The following PLCB4 variants were observed in gnomAD, a reference collection of about 807,000 sequenced individuals.
The protein encoded by PLCB4 is phospholipase C beta 4, also known as 1-phosphatidylinositol 4,5-bisphosphate phosphodiesterase beta-4.
In PLCB4, 77 loss-of-function variants were observed where a neutral mutation model predicts 178.8. The ratio of observed to expected loss-of-function variants is 0.43; its 90% confidence interval spans 0.36 to 0.52. PLCB4 has a LOEUF of 0.52. PLCB4 is among the 20% of genes least tolerant of loss of function. The probability of loss-of-function intolerance (pLI) is 0.00; values close to 1 mark genes in which losing one functional copy is unlikely to be tolerated. For missense variants in PLCB4, 1,024 were observed against 1,453.4 expected, an observed-to-expected ratio of 0.70 and a Z score of 4.80; for synonymous variants, 496 against 490.8, an observed-to-expected ratio of 1.01 and a Z score of -0.14.
chr20:9,085,228 G>A (rs2090353334), intron 1 of PLCB4, among the ~76,000 whole-genome samples: 1 of 151,964 alleles, frequency 6.6e-6, no homozygotes, highest in African/African-American at 2.4e-5. Flanking sequence ...GCATAGAATG[G>A]GGTCACATAA....
intron 25 of PLCB4, among the ~76,000 whole-genome samples, chr20:9,413,431 G>A (rs947642334): frequency 4.6e-5 from 7 of 151,708 alleles, no homozygotes; most frequent in Admixed American, 3.3e-4. Flanking sequence ...AGGCCGAGGC[G>A]GGCAGATCAC....
chr20:9,127,638 TTATCTATCTATCTATCTATCTATCTATC>T (rs35789567), intron 2 of PLCB4, among the ~76,000 whole-genome samples: 1 of 146,780 alleles, frequency 6.8e-6, no homozygotes, highest in African/African-American at 2.6e-5. Flanking sequence ...GGTGGTAAAA[TTATCTATCTATCTATCTATCTATCTATC>T]TATCTATCTA....
At chr20:9,133,825 A>T (rs542622444) in intron 2 of PLCB4, among the ~76,000 whole-genome samples, 4 of 152,182 alleles carry the variant, frequency 2.6e-5, no homozygotes. Flanking sequence ...GCCACTTCAC[A>T]GTGGTTCTTC....
At chr20:9,234,350 T>C (rs537538806) in intron 3 of PLCB4, among the ~76,000 whole-genome samples, 3 of 152,110 alleles carry the variant, frequency 2.0e-5, no homozygotes, top group Admixed American at 6.6e-5. Flanking sequence ...GCAGAAGTGA[T>C]TAATGGAAAT....
intron 3 of PLCB4, among the ~76,000 whole-genome samples, chr20:9,232,559 C>G (rs1168024469): frequency 6.6e-6 from 1 of 151,928 alleles, no homozygotes; most frequent in Non-Finnish European, 1.5e-5. Flanking sequence ...AAATTAAAAC[C>G]AAATTTTAGG....
intron 1 of PLCB4, among the ~76,000 whole-genome samples, chr20:9,084,310 A>G (rs1460090127): frequency 1.3e-5 from 2 of 152,200 alleles, no homozygotes; most frequent in Admixed American, 6.5e-5. Flanking sequence ...TTCCATAATT[A>G]GGAACTTGAA....
At chr20:9,187,835 G>A (rs1320170866) in intron 2 of PLCB4, among the ~76,000 whole-genome samples, 3 of 152,188 alleles carry the variant, frequency 2.0e-5, no homozygotes, top group East Asian at 3.9e-4. Flanking sequence ...AGGGTGGGTT[G>A]TCCATGTTCC....
intron 3 of PLCB4, among the ~76,000 whole-genome samples, chr20:9,231,338 G>A (rs890006031): frequency 2.0e-5 from 3 of 152,260 alleles, no homozygotes; most frequent in African/African-American, 7.2e-5. Flanking sequence ...GCTCTTACAG[G>A]AGAACTGGGT....
At chr20:9,254,755 T>C (rs566670809) in intron 3 of PLCB4, among the ~76,000 whole-genome samples, 142 of 152,300 alleles carry the variant, frequency 9.3e-4, no homozygotes, top group Non-Finnish European at 1.8e-3. Context: ...TCTCTAATAT[T>C]TATATTGCAA....
At chr20:9,215,502 C>G (rs191470779) in intron 2 of PLCB4, among the ~76,000 whole-genome samples, 5 of 152,202 alleles carry the variant, frequency 3.3e-5, no homozygotes, top group African/African-American at 9.6e-5. Flanking sequence ...TTAGAGCCAG[C>G]CTGCATCATA....
chr20:9,305,230 C>G (rs2094752317), intron 3 of PLCB4, among the ~76,000 whole-genome samples: 1 of 152,002 alleles, frequency 6.6e-6, no homozygotes. Context: ...TCTCTCCATT[C>G]TTTATCTGGT....
chr20:9,174,713 GTCTTA>G (rs1400862138), intron 2 of PLCB4, among the ~76,000 whole-genome samples: 1 of 151,968 alleles, frequency 6.6e-6, no homozygotes, highest in Non-Finnish European at 1.5e-5. Context: ...CTTCACAATT[GTCTTA>G]TCTTTGTCAT....
intron 7 of PLCB4, among the ~76,000 whole-genome samples, chr20:9,354,967 A>C (rs2034664817): frequency 6.6e-6 from 1 of 152,196 alleles, no homozygotes; most frequent in African/African-American, 2.4e-5. Context: ...AGTTACCTGC[A>C]GTGTTTAAAA....
intron 7 of PLCB4, among the ~76,000 whole-genome samples, chr20:9,357,554 C>T (rs1303524219): frequency 6.6e-6 from 1 of 152,176 alleles, no homozygotes; most frequent in East Asian, 1.9e-4. Context: ...AACTGAAATC[C>T]TACCCTCTAA....
At chr20:9,445,192 G>A (rs759529860) in intron 32 of PLCB4, among the ~76,000 whole-genome samples, 2 of 152,182 alleles carry the variant, frequency 1.3e-5, no homozygotes, top group Non-Finnish European at 2.9e-5. Flanking sequence ...AGAAGAAAAA[G>A]GTAGTACCTC....
chr20:9,211,126 C>T (rs1396917114), intron 2 of PLCB4, among the ~76,000 whole-genome samples: 1 of 152,098 alleles, frequency 6.6e-6, no homozygotes, highest in Non-Finnish European at 1.5e-5. Context: ...TTATGGAAGT[C>T]ATTAGGTGCT....
chr20:9,357,898 A>C (rs959268110), intron 7 of PLCB4, among the ~76,000 whole-genome samples: 1 of 152,208 alleles, frequency 6.6e-6, no homozygotes, highest in Admixed American at 6.5e-5. Flanking sequence ...GGAGAACTCC[A>C]AGTTGAGGGG....
In PLCB4 at chr20:9,353,850, G is replaced by A. The variant is rs186183074; in HGVS notation, c.370-9046G>A. ...TTCTGATATACCCCAATTTTAAGAA[G>A]TAGACCTCTGTCTGGTTTCTGTACT... is the stretch of plus-strand genomic sequence containing the variant. On this transcript the variant is annotated intron_variant, in intron 7 of 39. Transcript: ENST00000378473. Among the ~76,000 whole-genome samples, 24 of 152,278 alleles carry A rather than the reference G, an allele frequency of 1.6e-4. No homozygotes were observed. The East Asian group carries it at 4.0e-3, about 26-fold the overall frequency.
chr20:9,241,389 TAC>T (rs11470548), intron 3 of PLCB4, among the ~76,000 whole-genome samples: 20,518 of 147,772 alleles, frequency 0.14, 2,228 homozygotes, highest in East Asian at 0.36. Flanking sequence ...CATGCATGCA[TAC>T]ACACACACAC....
Sources: gnomAD v4.1 joint callset for allele counts (sites outside exome capture counted in the v4.1 genomes callset) on GRCh38, gnomAD v4.1.1 for gene constraint, MANE v1.5 for transcripts, NCBI Gene and HGNC (gene_info 2026-07-23, HGNC 2026-07-21) for gene names.